TENM2: variants seen among roughly 807,000 people sequenced by gnomAD.
TENM2 encodes teneurin-2.
Under a neutral mutation model 245.2 loss-of-function variants are expected in TENM2, and 52 were observed. The ratio of observed to expected loss-of-function variants is 0.21; its 90% CI spans 0.17 to 0.27. The LOEUF (loss-of-function observed/expected upper bound fraction) is 0.27. Among genes scored for constraint, TENM2 ranks in the 10% least tolerant of loss-of-function variants. TENM2 has a pLI of 1.00. For missense variants in TENM2, 3,046 were observed against 3,666.8 expected, an observed-to-expected ratio of 0.83 and a Z score of 4.37; for synonymous variants, 1,363 against 1,438.9, an observed-to-expected ratio of 0.95 and a Z score of 1.19.
At chr5:167,909,007 A>G (rs1166063151) in intron 3 of TENM2, among the ~76,000 whole-genome samples, 2 of 150,038 alleles carry the variant, frequency 1.3e-5, no homozygotes, top group African/African-American at 2.4e-5. Context: ...TTTAATTCTT[A>G]TTATGATTCC....
chr5:167,025,053 T>C, the TENM2 span, among the ~76,000 whole-genome samples: 1 of 152,186 alleles, frequency 6.6e-6, no homozygotes, highest in Non-Finnish European at 1.5e-5. Flanking sequence ...TTCCAGTTGA[T>C]TCTAAGGTAC....
chr5:167,732,297 G>A (rs564178787), intron 2 of TENM2, among the ~76,000 whole-genome samples: 23 of 152,204 alleles, frequency 1.5e-4, no homozygotes, highest in African/African-American at 5.5e-4. Context: ...ATTTCTTTTA[G>A]ATTTTTTAAA....
chr5:168,023,861 TTTA>T (rs1786376560), intron 5 of TENM2, among the ~76,000 whole-genome samples: 1 of 152,178 alleles, frequency 6.6e-6, no homozygotes, highest in Admixed American at 6.5e-5. Context: ...TGCTAGGGAT[TTTA>T]AGAGAAGACC....
intron 12 of TENM2, among the ~76,000 whole-genome samples, chr5:168,153,813 G>C (rs1756869217): frequency 6.6e-6 from 1 of 152,150 alleles, no homozygotes; most frequent in African/African-American, 2.4e-5. Flanking sequence ...AGGAGATGCT[G>C]CTGCTGGTCC....
chr5:167,897,220 G>A (rs1182082174), intron 3 of TENM2, among the ~76,000 whole-genome samples: 1 of 152,016 alleles, frequency 6.6e-6, no homozygotes, highest in Non-Finnish European at 1.5e-5. Context: ...AGCAAGCAAT[G>A]AGGACCCGCA....
At chr5:168,204,403 G>A in exon 19 of TENM2, 1 of 1,613,934 alleles carries the variant, frequency 6.2e-7, no homozygotes. Context: ...GGGAAAACCA[G>A]TTCCTGACCC....
intron 2 of TENM2, among the ~76,000 whole-genome samples, chr5:167,420,206 G>A (rs1763417037): frequency 6.6e-6 from 1 of 152,220 alleles, no homozygotes; most frequent in Admixed American, 6.5e-5. Flanking sequence ...GTTACCCTGT[G>A]TGAAGGAAAT....
chr5:167,969,147 T>G (rs1781587855), intron 4 of TENM2, among the ~76,000 whole-genome samples: 1 of 152,210 alleles, frequency 6.6e-6, no homozygotes, highest in South Asian at 2.1e-4. Context: ...GGAGAGATGT[T>G]GATAGGGTTT....
At chr5:167,188,888 G>T in the TENM2 span, among the ~76,000 whole-genome samples, 3 of 152,130 alleles carry the variant, frequency 2.0e-5, no homozygotes, top group South Asian at 6.2e-4. Context: ...AAATTATTCA[G>T]CATATTTGCT....
intron 2 of TENM2, among the ~76,000 whole-genome samples, chr5:167,502,024 G>T (rs866047032): frequency 3.3e-5 from 5 of 150,124 alleles, no homozygotes; most frequent in Admixed American, 2.0e-4. Context: ...AAAAAAAAAA[G>T]GTACTAGGTC....
chr5:167,068,195 T>C, the TENM2 span, among the ~76,000 whole-genome samples: 3 of 152,214 alleles, frequency 2.0e-5, no homozygotes, highest in African/African-American at 7.2e-5. Flanking sequence ...TAATAGTAGA[T>C]GGCAAAATTG....
chr5:167,419,016 A>G (rs1763331675), intron 2 of TENM2, among the ~76,000 whole-genome samples: 1 of 152,198 alleles, frequency 6.6e-6, no homozygotes, highest in South Asian at 2.1e-4. Flanking sequence ...GTATATAACT[A>G]TACTAAGCAA....
chr5:167,743,462 T>C (rs548116563), intron 2 of TENM2, among the ~76,000 whole-genome samples: 7 of 152,274 alleles, frequency 4.6e-5, no homozygotes, highest in African/African-American at 1.7e-4. Flanking sequence ...TTAGGGTAAC[T>C]ATTCGAACCG....
the TENM2 span, among the ~76,000 whole-genome samples, chr5:167,192,392 C>T: frequency 1.3e-5 from 2 of 152,014 alleles, no homozygotes; most frequent in Non-Finnish European, 2.9e-5. Flanking sequence ...GGTGTGGAAA[C>T]CTAGTTTCCA....
chr5:168,115,073 C>G (rs1340252149), intron 9 of TENM2, among the ~76,000 whole-genome samples: 1 of 152,058 alleles, frequency 6.6e-6, no homozygotes, highest in East Asian at 1.9e-4. Context: ...GCGGGTGGAT[C>G]ACCTGAGGTC....
At chr5:167,791,480 AT>A (rs1764966278) in intron 2 of TENM2, among the ~76,000 whole-genome samples, 1 of 39,694 alleles carries the variant, frequency 2.5e-5, no homozygotes, top group African/African-American at 2.6e-4. Context: ...ATAATTTATT[AT>A]ATATATAATG....
intron 7 of TENM2, among the ~76,000 whole-genome samples, chr5:168,070,819 G>GA (rs767578367): frequency 9.0e-6 from 1 of 111,490 alleles, no homozygotes; most frequent in South Asian, 3.5e-4. Context: ...GAGAGAGAGA[G>GA]AAAAAAAGAA....
At chr5:167,424,863 C>T (rs927358471) in intron 2 of TENM2, among the ~76,000 whole-genome samples, 4 of 152,088 alleles carry the variant, frequency 2.6e-5, no homozygotes, top group Admixed American at 1.3e-4. Context: ...TAACCTCATT[C>T]GCTCAGCTCT....
chr5:167,470,454 C>CTTTTTTTTTCTTTTTTTTT (rs1766942155), intron 2 of TENM2, among the ~76,000 whole-genome samples: 1 of 47,394 alleles, frequency 2.1e-5, no homozygotes, highest in Non-Finnish European at 3.6e-5. Context: ...GCAATGCTTG[C>CTTTTTTTTTCTTTTTTTTT]TTTTTTTTTT....
Sources: allele counts gnomAD v4.1 joint callset (sites outside exome capture counted in the v4.1 genomes callset), GRCh38; gene constraint gnomAD v4.1.1; transcripts MANE v1.5; gene names NCBI Gene and HGNC (gene_info 2026-07-23, HGNC 2026-07-21).